ZNF565: variants seen among roughly 807,000 people sequenced by gnomAD.
The protein encoded by ZNF565 is zinc finger protein 565.
ZNF565 carries 27 observed loss-of-function variants against 39.4 expected under a neutral mutation model. That is an observed-to-expected ratio of 0.69 (90% CI 0.51 to 0.95). The LOEUF is 0.95. ZNF565 is among the 40% of genes least tolerant of loss of function. The pLI is 0.00. For missense variants in ZNF565, 524 were observed against 621.1 expected, an observed-to-expected ratio of 0.84 and a Z score of 1.66; for synonymous variants, 185 against 216.6, an observed-to-expected ratio of 0.85 and a Z score of 1.28.
chr19:36,202,186 C>T, intron 1 of ZNF565, 136 bp from the exon 2 acceptor site: 1 of 621,476 alleles, frequency 1.6e-6, no homozygotes, highest in Non-Finnish European at 2.9e-6. Flanking sequence ...CCATGTCCTA[C>T]CACACAAGAA....
rs760129251 is a variant in ZNF565, at chr19:36,194,350, G to A, written c.137-22C>T. On this transcript the variant is annotated intron_variant, in intron 3 of 4. Coordinates refer to ENST00000304116, the MANE Select transcript of ZNF565 (RefSeq NM_152477.5). Reference sequence around the variant, plus strand: ...AGTCCTGTTTACAGGAAAAGAAATGGGGTGTGATCAGACCGCTCCAAAATC... The same window carrying A: ...AGTCCTGTTTACAGGAAAAGAAATGAGGTGTGATCAGACCGCTCCAAAATC... 4 of 1,584,964 alleles carry A rather than the reference G, an allele frequency of 2.5e-6. No homozygotes were observed. The South Asian group carries it at 3.4e-5, about 14-fold the overall frequency.
intron 4 of ZNF565, among the ~76,000 whole-genome samples, chr19:36,190,710 C>T (rs1182258368): frequency 1.3e-5 from 2 of 151,794 alleles, no homozygotes; most frequent in African/African-American, 2.4e-5. Flanking sequence ...AGGCCAGGTG[C>T]GGTGGCTCAT....
intron 4 of ZNF565, among the ~76,000 whole-genome samples, chr19:36,188,706 C>T (rs1319455917): frequency 2.2e-5 from 3 of 134,948 alleles, no homozygotes; most frequent in Non-Finnish European, 4.7e-5. Context: ...AGTGAGACTC[C>T]GTCTCAAAAA....
intron 2 of ZNF565, among the ~76,000 whole-genome samples, chr19:36,198,603 A>G (rs1035765366): frequency 5.4e-5 from 8 of 146,956 alleles, no homozygotes; most frequent in African/African-American, 2.0e-4. Context: ...ACTTAATTGT[A>G]CATTTTTTTT....
At chr19:36,242,757 CAAAT>C (rs1414545644) in intron 1 of ZNF565, among the ~76,000 whole-genome samples, 1 of 152,088 alleles carries the variant, frequency 6.6e-6, no homozygotes, top group Non-Finnish European at 1.5e-5. Context: ...TTAAAATGGA[CAAAT>C]AAATAGAATC....
intron 1 of ZNF565, among the ~76,000 whole-genome samples, chr19:36,210,329 CAGG>C (rs1976305456): frequency 6.9e-6 from 1 of 144,292 alleles, no homozygotes; most frequent in Non-Finnish European, 1.5e-5. Context: ...GAGGCTGAGG[CAGG>C]AGAATTGCTT....
At chr19:36,229,784 G>T (rs1301936206) in intron 1 of ZNF565, among the ~76,000 whole-genome samples, 5 of 152,196 alleles carry the variant, frequency 3.3e-5, no homozygotes, top group African/African-American at 1.2e-4. Flanking sequence ...CAGTGGCACA[G>T]TCTTGGCTCA....
chr19:36,201,327 A>C (rs1975958174), intron 2 of ZNF565, among the ~76,000 whole-genome samples: 2 of 152,272 alleles, frequency 1.3e-5, no homozygotes, highest in East Asian at 1.9e-4. Flanking sequence ...ACAAAAACAC[A>C]GAAGAAAGAA....
At chr19:36,202,878 T>C (rs1976014688) in intron 1 of ZNF565, among the ~76,000 whole-genome samples, 1 of 152,148 alleles carries the variant, frequency 6.6e-6, no homozygotes, top group Admixed American at 6.6e-5. Flanking sequence ...GCCCCAGCTA[T>C]ACTCACCAGA....
chr19:36,224,515 G>T (rs910169853), intron 1 of ZNF565, among the ~76,000 whole-genome samples: 2 of 152,220 alleles, frequency 1.3e-5, no homozygotes, highest in African/African-American at 4.8e-5. Flanking sequence ...TAGCCCAGGT[G>T]TAACAACCAG....
intron 2 of ZNF565, among the ~76,000 whole-genome samples, chr19:36,201,380 G>A (rs10409091): frequency 6.6e-6 from 1 of 151,964 alleles, no homozygotes; most frequent in Non-Finnish European, 1.5e-5. Flanking sequence ...TTTATTTCAT[G>A]TTTGGCCCCA....
intron 2 of ZNF565, 54 bp downstream of exon 2, chr19:36,201,923 T>C (rs1013200780): frequency 1.5e-5 from 24 of 1,603,174 alleles, no homozygotes; most frequent in Non-Finnish European, 2.0e-5. Context: ...ACAGTGTCCA[T>C]ATAATCTGGC....
chr19:36,206,460 A>G (rs1464703595), intron 1 of ZNF565, among the ~76,000 whole-genome samples: 1 of 138,846 alleles, frequency 7.2e-6, no homozygotes, highest in African/African-American at 3.3e-5. Flanking sequence ...AAATTTGAAG[A>G]AAAAAAAAAG....
At chr19:36,217,433 G>A (rs2145391230), upstream of ZNF565, among the ~76,000 whole-genome samples, 1 of 152,172 alleles carries the variant, frequency 6.6e-6, no homozygotes, top group South Asian at 2.1e-4. Flanking sequence ...ATGCCCATCA[G>A]TGGGAGATTG....
At position 36,235,973 on chromosome 19, in the gene ZNF565, T is replaced by A. The variant is rs117641533; in HGVS notation, c.55+9503A>T. ...TTAACCCCCTTTAAGTGTAAATGTC[T>A]TTGGTTTAAAACGTTTGTACCTCAT... On this transcript the variant is annotated intron_variant, in intron 1 of 4. Transcript: ENST00000355114. 144 of 157,174 alleles carry A rather than the reference T, an allele frequency of 9.2e-4. No homozygotes were observed. In the East Asian group the frequency reaches 0.018, roughly 19 times the overall value. 9.7% of individuals were successfully genotyped at this position (157,174 alleles called of 1,614,324 possible). A position where few individuals can be genotyped will look rare whatever the true frequency, so the allele number is the denominator to read the frequency against.
At chr19:36,182,178 T>C, downstream of ZNF565, 1 of 307,964 alleles carries the variant, frequency 3.2e-6, no homozygotes, top group Non-Finnish European at 5.9e-6. Flanking sequence ...GGGTCATTTT[T>C]GTATTAGGAA....
chr19:36,245,296 G>A lies in ZNF565; in HGVS notation c.55+180C>T, dbSNP rs2029887950. On this transcript the variant is annotated intron_variant, in intron 1 of 4. Transcript: ENST00000355114. The surrounding 1 kb of genome is among the most constrained non-coding windows in gnomAD (Gnocchi z 4.4). Reference sequence around the variant, plus strand: ...CGCGTGCACCAACTCGCGCCTAGAGGGCGTGTATGACCCCAGCTCAGTTCT... The same window carrying A: ...CGCGTGCACCAACTCGCGCCTAGAGAGCGTGTATGACCCCAGCTCAGTTCT... Among the ~76,000 whole-genome samples the A allele has an allele frequency of 6.6e-6, 1 of 152,174 alleles. No homozygotes were observed. Among genetic ancestry groups the A allele is most frequent in the Admixed American group, 6.5e-5 (1 of 15,272 alleles).
rs1205835606 is a variant in ZNF565, at chr19:36,183,000, C to CA, written c.965dup (p.Thr323AspfsTer10). On this transcript the variant is annotated frameshift_variant, in exon 5 of 5. Coordinates refer to ENST00000304116, the MANE Select transcript of ZNF565 (RefSeq NM_152477.5). LOFTEE classifies it high-confidence loss of function. ...CAGTGTGGATTCGCTGGTGTACAGT[C>CA]AGCTGTGAGTGCTGTCTAAAGGCTT... The CA allele has an allele frequency of 3.7e-6, 6 of 1,613,890 alleles. No individual in the cohort carries two copies. The highest frequency in any genetic ancestry group is 5.1e-6 in the Non-Finnish European group (6 of 1,179,996).
intron 1 of ZNF565, chr19:36,203,490 T>C (rs985758287): frequency 6.6e-6 from 1 of 152,196 alleles, no homozygotes; most frequent in Non-Finnish European, 1.5e-5. Context: ...CACTTCCCCA[T>C]TGACTGTGAG....
Sources: allele counts gnomAD v4.1 joint callset (sites outside exome capture counted in the v4.1 genomes callset), GRCh38; gene constraint gnomAD v4.1.1; non-coding constraint Gnocchi (gnomAD v3.1); transcripts MANE v1.5; gene names NCBI Gene and HGNC (gene_info 2026-07-23, HGNC 2026-07-21).